The following PRPF8 variants were observed in gnomAD, a reference collection of about 807,000 sequenced individuals.
PRPF8 encodes pre-mRNA-processing-splicing factor 8.
A neutral mutation model predicts 285.9 loss-of-function variants in PRPF8; 64 were observed. The observed-to-expected ratio is 0.22, with a 90% CI of 0.18 to 0.28. The LOEUF (loss-of-function observed/expected upper bound fraction) is 0.28, where lower values mean the gene tolerates loss of function less well. Among genes scored for constraint, PRPF8 ranks in the 10% least tolerant of loss-of-function variants. The probability of loss-of-function intolerance (pLI) is 1.00; values close to 1 mark genes in which losing one functional copy is unlikely to be tolerated. For missense variants in PRPF8, 1,426 were observed against 3,026.7 expected, an observed-to-expected ratio of 0.47 and a Z score of 12.41; for synonymous variants, 1,325 against 1,118.2, an observed-to-expected ratio of 1.18 and a Z score of -3.69.
At position 1,679,780 on chromosome 17, in the gene PRPF8, T is replaced by C. The variant is rs1912809108; in HGVS notation, c.1118A>G (p.Asp373Gly). Residue 373 changes from aspartate to glycine, a missense_variant, in exon 9 of 43, where the codon GAT becomes GGT. Asp to Gly is a moderately conservative substitution (Grantham distance 94, BLOSUM62 -1). Coordinates refer to ENST00000304992, the MANE Select transcript of PRPF8 (RefSeq NM_006445.4). This position sits in a 1 kb window ranked among gnomAD's most constrained non-coding sequence, Gnocchi z 4.7. ...HSVKSQEPLP[D>G]DDEEFELPEF... ...CGGGAGCTCAAATTCCTCATCATCA[T>C]CCGGCAATGGTTCCTGGCTCTGAAA... 3 of 1,614,206 alleles carry C rather than the reference T, an allele frequency of 1.9e-6. No individual in the cohort carries two copies. Among genetic ancestry groups the C allele is most frequent in the Non-Finnish European group, 2.5e-6 (3 of 1,180,044 alleles).
Position 1,682,248 on chromosome 17 carries a change from G to A in PRPF8, c.315C>T (p.Asn105=), listed in dbSNP as rs1312674741. The A allele has an allele frequency of 7.4e-6, 12 of 1,614,156 alleles. No homozygotes were observed. The highest frequency in any genetic ancestry group is 3.3e-5 in the Admixed American group (2 of 60,000). ...MPHAVLKLLE[N]MPMPWEQIRD... is the part of the protein sequence containing the mutation. ...GAATCTGCTCCCAAGGCATAGGCAT[G>A]TTCTCCAGGAGTTTGAGGACTGCGT... Residue 105 remains asparagine, a synonymous_variant, in exon 4 of 43, where the codon AAC becomes AAT. Transcript: ENST00000304992.
At chr17:1,668,834 C>T (rs1331708134) in intron 24 of PRPF8, among the ~76,000 whole-genome samples, 1 of 152,150 alleles carries the variant, frequency 6.6e-6, no homozygotes, top group Non-Finnish European at 1.5e-5. Context: ...CTTCCCAAAA[C>T]CCAGCTGAGC....
At chr17:1,665,581 C>T (rs1205635951) in intron 24 of PRPF8, among the ~76,000 whole-genome samples, 5 of 151,336 alleles carry the variant, frequency 3.3e-5, no homozygotes, top group Admixed American at 2.0e-4. Flanking sequence ...CGGTGGCTCA[C>T]GCCTGTAATC....
In PRPF8 at chr17:1,660,698, A is replaced by G. The variant is rs1911638529; in HGVS notation, c.4638T>C (p.Asn1546=). The G allele has an allele frequency of 3.1e-6, 5 of 1,614,154 alleles. No homozygotes were observed. The East Asian group carries it at 1.1e-4, about 36-fold the overall frequency. ...LWWSPTINRA[N]VYVGFQVQLD... is the part of the protein sequence containing the mutation. The stretch of plus-strand genomic sequence containing the variant: ...CCTCTCCAGTGTCAATCACACTCAC[A>G]TTGGCTCGATTAATGGTCGGGGACC... Residue 1546 remains asparagine (N), a splice_region_variant and synonymous_variant, in exon 29 of 43, where the codon AAT becomes AAC. Coordinates refer to ENST00000304992, the MANE Select transcript of PRPF8 (RefSeq NM_006445.4).
intron 24 of PRPF8, among the ~76,000 whole-genome samples, chr17:1,667,211 A>C (rs1236848318): frequency 2.6e-5 from 4 of 151,896 alleles, no homozygotes; most frequent in Non-Finnish European, 5.9e-5. Flanking sequence ...GATAGGCTAG[A>C]TACTGGGGTA....
intron 34 of PRPF8, 102 bp from the exon 35 acceptor site, chr17:1,656,863 TG>T (rs1911414945): frequency 9.7e-7 from 1 of 1,026,030 alleles, no homozygotes; most frequent in Non-Finnish European, 1.5e-6. Context: ...ACGTTTCTAT[TG>T]AACACTGATG....
rs773085879 is a variant in PRPF8, at chr17:1,659,798, G to T, written c.4946+43C>A. ...TGCAGGGCTAGAAGAACAGGAAAAC[G>T]AAAGTGTCCTGGCTGCCTAGGGCTG... On this transcript the variant is annotated intron_variant, in intron 31 of 42. Coordinates refer to ENST00000304992, the MANE Select transcript of PRPF8 (RefSeq NM_006445.4). The surrounding 1 kb of genome is among the most constrained non-coding windows in gnomAD (Gnocchi z 5.1). 5 of 1,605,958 alleles carry T rather than the reference G, an allele frequency of 3.1e-6. No individual in the cohort carries two copies. Among genetic ancestry groups the T allele is most frequent in the Admixed American group, 1.7e-5 (1 of 59,722 alleles).
chr17:1,677,710 G>T lies in PRPF8; in HGVS notation c.1855-16C>A, dbSNP rs763190656. The T allele has an allele frequency of 1.2e-6, 2 of 1,613,568 alleles. No individual in the cohort carries two copies. The highest frequency in any genetic ancestry group is 2.7e-5 in the African/African-American group (2 of 74,818). ...CTACAGGGCCCTACGATCCCAAGCA[G>T]AAGTTAAGAATACAAGTTAGCAATG... On this transcript the variant is annotated splice_polypyrimidine_tract_variant and intron_variant, in intron 13 of 42. Coordinates refer to ENST00000304992, the MANE Select transcript of PRPF8 (RefSeq NM_006445.4).
intron 37 of PRPF8, 97 bp downstream of exon 37, chr17:1,655,253 T>A: frequency 1.4e-6 from 2 of 1,406,908 alleles, no homozygotes; most frequent in Non-Finnish European, 9.8e-7. Flanking sequence ...CCACCGCGCC[T>A]GGCCTTCTTG....
Position 1,676,744 on chromosome 17 carries a change from T to TC in PRPF8, c.2182-34dup, listed in dbSNP as rs1912620439. 1.2e-6 allele frequency: 2 copies of TC among 1,609,696 alleles called. No individual in the cohort carries two copies. The highest frequency in any genetic ancestry group is 1.1e-5 in the South Asian group (1 of 90,982). ...TCCAAAAAGCACAATCAAGCCAGGA[T>TC]CCAGCCAGGCACTGTGGCACACATC... On this transcript the variant is annotated intron_variant, in intron 15 of 42. Coordinates refer to ENST00000304992, the MANE Select transcript of PRPF8 (RefSeq NM_006445.4). The surrounding 1 kb of genome is among the most constrained non-coding windows in gnomAD (Gnocchi z 6.3).
Position 1,681,479 on chromosome 17 carries a change from G to C in PRPF8, c.865C>G (p.Gln289Glu). The C allele has an allele frequency of 6.4e-7, 1 of 1,573,414 alleles. No homozygotes were observed. Among genetic ancestry groups the C allele is most frequent in the Non-Finnish European group, 8.7e-7 (1 of 1,142,980 alleles). The change falls in exon 6 of 43, where the codon CAG becomes GAG. Residue 289 changes from glutamine to glutamate, a missense_variant and splice_region_variant. Physicochemically the swap from Gln to Glu is conservative, Grantham distance 29. Around this residue, in one of 34 missense-constraint regions of PRPF8, gnomAD observed 157 missense variants for 159.6 expected, o/e 0.98. Transcript: ENST00000304992. ...FEPLVRDINL[Q>E]DEDWNEFNDI... The stretch of plus-strand genomic sequence containing the variant: ...AAATCCCTAATCTCTCCAACTCACT[G>C]TAGGTTGATGTCTCGAACAAGAGGT...
In PRPF8 at chr17:1,674,562, T is replaced by A; in HGVS notation, c.3179A>T (p.Glu1060Val). The A allele has an allele frequency of 6.2e-7, 1 of 1,614,138 alleles. No individual in the cohort carries two copies. Among genetic ancestry groups the A allele is most frequent in the Non-Finnish European group, 8.5e-7 (1 of 1,180,040 alleles). The change falls in exon 21 of 43, where the codon GAG becomes GTG. Residue 1060 changes from glutamate to valine, a missense_variant. This residue lies in a region of PRPF8 where 148 missense variants were observed against 196.2 expected (regional missense o/e 0.75). Coordinates refer to ENST00000304992, the MANE Select transcript of PRPF8 (RefSeq NM_006445.4). ...TGGCATCTGAGGGGGCCCAGCCATC[T>A]CACTGGCCCGGTGCAATCCCAATAC... is the stretch of plus-strand genomic sequence containing the variant. ...LLVLGLHRAS[E>V]MAGPPQMPND...
intron 37 of PRPF8, chr17:1,654,285 G>A (rs1911234484): frequency 3.4e-6 from 2 of 591,644 alleles, no homozygotes; most frequent in Non-Finnish European, 6.0e-6. Context: ...ACAATGCTCT[G>A]GCATGGAACT....
intron 24 of PRPF8, among the ~76,000 whole-genome samples, chr17:1,666,777 G>C (rs1912012641): frequency 6.6e-6 from 1 of 152,054 alleles, no homozygotes; most frequent in African/African-American, 2.4e-5. Flanking sequence ...ATTCAGACAA[G>C]CAAGGAGAAA....
In PRPF8 at chr17:1,673,997, AC is replaced by A; in HGVS notation, c.3300-106del. 1 of 1,204,246 alleles carries A rather than the reference AC, an allele frequency of 8.3e-7. No homozygotes were observed. The highest frequency in any genetic ancestry group is 2.5e-5 in the East Asian group (1 of 40,370). 74.6% of individuals were successfully genotyped at this position (1,204,246 alleles called of 1,614,324 possible). ...GGAGACCCCACCCCATCCTACCCCC[AC>A]CCTCCCCGGGCTTCATTCCATTTTA... On this transcript the variant is annotated intron_variant, in intron 21 of 42. Coordinates refer to ENST00000304992, the MANE Select transcript of PRPF8 (RefSeq NM_006445.4). The surrounding 1 kb of genome is among the most constrained non-coding windows in gnomAD (Gnocchi z 5.5).
rs2151130184 is a variant in PRPF8 at position 1,679,590 on chromosome 17, C to A, written c.1289+19G>T. ...TACACATCCACTATCATTCCCCCTG[C>A]CACAGGGAAAAACCTTACCAGTTCT... On this transcript the variant is annotated intron_variant, in intron 9 of 42. Transcript: ENST00000304992. The surrounding 1 kb of genome is among the most constrained non-coding windows in gnomAD (Gnocchi z 4.7). 2 of 1,612,512 alleles carry A rather than the reference C, an allele frequency of 1.2e-6. No homozygotes were observed. The highest frequency in any genetic ancestry group is 1.7e-6 in the Non-Finnish European group (2 of 1,179,744).
chr17:1,660,682 T>C lies in PRPF8; in HGVS notation c.4638+16A>G, dbSNP rs780119209. The C allele has an allele frequency of 3.1e-6, 5 of 1,614,064 alleles. No individual in the cohort carries two copies. The highest frequency in any genetic ancestry group is 1.1e-5 in the South Asian group (1 of 91,092). On this transcript the variant is annotated intron_variant, in intron 29 of 42. Transcript: ENST00000304992. ...ACTGTCTTTAGCTTCCCCTCTCCAG[T>C]GTCAATCACACTCACATTGGCTCGA...
intron 2 of PRPF8, 46 bp from the exon 3 acceptor site, chr17:1,683,747 T>C: frequency 6.2e-7 from 1 of 1,609,428 alleles, no homozygotes; most frequent in South Asian, 1.1e-5. Context: ...CTCCCCCTAA[T>C]CCTCTTCACC....
chr17:1,662,269 CA>C, intron 24 of PRPF8, 116 bp from the exon 25 acceptor site: 2 of 1,174,068 alleles, frequency 1.7e-6, no homozygotes, highest in South Asian at 2.6e-5. Flanking sequence ...AGTTCAACAT[CA>C]TTAGTCACTA....
Sources: gnomAD v4.1 joint callset for allele counts (sites outside exome capture counted in the v4.1 genomes callset) on GRCh38, gnomAD v4.1.1 for gene constraint, gnomAD v4.1.1 regional missense constraint, Gnocchi (gnomAD v3.1) non-coding constraint, MANE v1.5 for transcripts, NCBI Gene and HGNC (gene_info 2026-07-23, HGNC 2026-07-21) for gene names.